Variants in MORC3 observed in about 807,000 individuals in gnomAD.
The protein encoded by MORC3 is MORC family CW-type zinc finger 3, also known as MORC family CW-type zinc finger protein 3.
In MORC3, 31 loss-of-function variants were observed where a neutral mutation model predicts 109.1. The observed-to-expected ratio is 0.28, with a 90% confidence interval of 0.21 to 0.38. The LOEUF is 0.38. Among genes scored for constraint, MORC3 ranks in the 10% least tolerant of loss-of-function variants. The probability of loss-of-function intolerance (pLI) is 1.00; values close to 1 mark genes in which losing one functional copy is unlikely to be tolerated. For synonymous variants in MORC3, 395 were observed against 380.7 expected (o/e 1.04, Z -0.44); for missense variants, 867 against 1,135.8 (o/e 0.76, Z 3.40).
chr21:36,341,647 C>A, intron 6 of MORC3, 101 bp downstream of exon 6: 3 of 1,488,334 alleles, frequency 2.0e-6, no homozygotes, highest in Non-Finnish European at 2.8e-6. Flanking sequence ...GCTGCCAGTG[C>A]TCTCTAAATG....
Position 36,372,673 on chromosome 21 carries a change from G to A in MORC3, c.2666+142G>A, listed in dbSNP as rs1601544907. On this transcript the variant is annotated intron_variant, in intron 16 of 16. Transcript: ENST00000400485. ...CTGCTGTGACCCTGGTGTTATGATA[G>A]ATAAAAAAGAAGTGACACTTCATTA... 3.7e-6 allele frequency: 3 copies of A among 812,618 alleles called. No individual in the cohort carries two copies. The South Asian group carries it at 1.2e-4, about 33-fold the overall frequency. The allele number at this position is 812,618 out of a possible 1,614,324, so 50.3% of individuals were successfully genotyped here.
At position 36,370,633 on chromosome 21, in the gene MORC3, ATATATATTTTTTTTTTTTTTTTT is replaced by A. The variant is rs1321937421; in HGVS notation, c.2508+759_2508+781del. On this transcript the variant is annotated intron_variant, in intron 15 of 16. Transcript: ENST00000400485. ...CATACATATATATATATATATATAT[ATATATATTTTTTTTTTTTTTTTT>A]TTTTTTTTTTTTTTTCTTCTTCTTC... is the stretch of plus-strand genomic sequence containing the variant. 3.4e-3 allele frequency among the ~76,000 whole-genome samples: 158 copies of A among 46,490 alleles called. 1 individual carries two copies. Among genetic ancestry groups the A allele is most frequent in the African/African-American group, 0.012 (142 of 11,626 alleles). The allele number at this position is 46,490 out of a possible 152,430, so 30.5% of individuals were successfully genotyped here.
intron 16 of MORC3, among the ~76,000 whole-genome samples, chr21:36,374,370 C>T (rs1442654430): frequency 1.3e-5 from 2 of 152,054 alleles, no homozygotes; most frequent in African/African-American, 4.8e-5. Flanking sequence ...GGATTACAGG[C>T]GTGAACCTCT....
At chr21:36,363,017 C>A (rs1345067967) in intron 13 of MORC3, among the ~76,000 whole-genome samples, 1 of 152,150 alleles carries the variant, frequency 6.6e-6, no homozygotes, top group Non-Finnish European at 1.5e-5. Context: ...GTTGACTACT[C>A]TGCCTGGCCT....
chr21:36,337,152 T>C, intron 3 of MORC3, 146 bp downstream of exon 3: 6 of 933,394 alleles, frequency 6.4e-6, no homozygotes, highest in Non-Finnish European at 7.6e-6. Context: ...GATTTTCTAC[T>C]ACTGGTAGAT....
intron 15 of MORC3, among the ~76,000 whole-genome samples, chr21:36,371,058 GAGAA>G (rs1411797759): frequency 6.6e-6 from 1 of 152,068 alleles, no homozygotes; most frequent in Non-Finnish European, 1.5e-5. Context: ...TTCTTCTACT[GAGAA>G]AGAAGGAGAA....
intron 15 of MORC3, among the ~76,000 whole-genome samples, chr21:36,371,200 T>C (rs1047112262): frequency 3.3e-5 from 5 of 152,218 alleles, no homozygotes; most frequent in Non-Finnish European, 7.3e-5. Flanking sequence ...GAAAGGATTT[T>C]CCTGCTAAAA....
chr21:36,338,632 G>C (rs1205281848), intron 4 of MORC3, 142 bp from the exon 5 acceptor site: 2 of 798,556 alleles, frequency 2.5e-6, no homozygotes. Context: ...CTAAGCAATA[G>C]TGAGACCCTA....
intron 2 of MORC3, among the ~76,000 whole-genome samples, chr21:36,336,566 C>T (rs2085378387): frequency 6.6e-6 from 1 of 152,228 alleles, no homozygotes; most frequent in African/African-American, 2.4e-5. Context: ...TTAATCATCT[C>T]TGCAGTGTAG....
chr21:36,338,161 T>G (rs1052585157), intron 4 of MORC3, among the ~76,000 whole-genome samples: 3 of 152,216 alleles, frequency 2.0e-5, no homozygotes, highest in Admixed American at 6.6e-5. Flanking sequence ...CAACATTTTA[T>G]GTTAAACTTC....
At chr21:36,358,927 C>T (rs545172791) in intron 10 of MORC3, among the ~76,000 whole-genome samples, 9 of 152,198 alleles carry the variant, frequency 5.9e-5, no homozygotes, top group Admixed American at 5.2e-4. Context: ...GATCCACCCG[C>T]GTCAGCCTCC....
At chr21:36,339,186 C>G (rs1216411088) in intron 5 of MORC3, 4 of 253,092 alleles carry the variant, frequency 1.6e-5, no homozygotes, top group Non-Finnish European at 3.0e-5. Context: ...ATGGCGCAAT[C>G]TCAGCTGACT....
Position 36,344,660 on chromosome 21 carries a change from AAG to A in MORC3, c.841_842del (p.Leu282CysfsTer6). ...GAAAGTGAAGACACAGCTGGTTTCG[AAG>A]AGTCTTGCCTACATCGAACGTGATG... ...GQKVKTQLVS[K>X]SLAYIERDVY... On this transcript the variant is annotated frameshift_variant, in exon 7 of 17. Coordinates refer to ENST00000400485, the MANE Select transcript of MORC3 (RefSeq NM_015358.3). LOFTEE classifies it high-confidence loss of function. The A allele has an allele frequency of 6.2e-7, 1 of 1,614,174 alleles. No homozygotes were observed. The highest frequency in any genetic ancestry group is 8.5e-7 in the Non-Finnish European group (1 of 1,180,020).
chr21:36,328,453 C>G (rs945957738), intron 1 of MORC3, among the ~76,000 whole-genome samples: 1 of 151,608 alleles, frequency 6.6e-6, no homozygotes, highest in South Asian at 2.1e-4. Context: ...GTGATTCTCC[C>G]GCTTCAGCCT....
chr21:36,353,986 A>C (rs1273339582), intron 9 of MORC3, among the ~76,000 whole-genome samples: 1 of 151,240 alleles, frequency 6.6e-6, no homozygotes, highest in Non-Finnish European at 1.5e-5. Flanking sequence ...CAGGAGAAAC[A>C]CTTGAACCCA....
chr21:36,369,119 G>A lies in MORC3; in HGVS notation c.1751G>A (p.Ser584Asn). The change falls in exon 15 of 17, where the codon AGT (serine) becomes AAT (asparagine). Residue 584 changes from serine to asparagine, a missense_variant. Physicochemically the swap from Ser to Asn is conservative, Grantham distance 46. This residue lies in a region of MORC3 where 486 missense variants were observed against 502.1 expected (regional missense o/e 0.97). Coordinates refer to ENST00000400485, the MANE Select transcript of MORC3 (RefSeq NM_015358.3). ...GATGTCATCATCTTAGAAGAAAACA[G>A]TACCCCCAAACCTGCAGTAGATCAT... is the stretch of plus-strand genomic sequence containing the variant. ...DEDVIILEEN[S>N]TPKPAVDHDI... The A allele has an allele frequency of 6.2e-7, 1 of 1,614,080 alleles. No individual in the cohort carries two copies. Among genetic ancestry groups the A allele is most frequent in the Non-Finnish European group, 8.5e-7 (1 of 1,180,004 alleles).
chr21:36,333,099 T>C (rs1033023291), intron 1 of MORC3, among the ~76,000 whole-genome samples: 4 of 152,290 alleles, frequency 2.6e-5, no homozygotes, highest in African/African-American at 9.6e-5. Flanking sequence ...CAATTGTAAC[T>C]CTTATTTGAA....
intron 8 of MORC3, 53 bp downstream of exon 8, chr21:36,345,084 G>A: frequency 1.3e-6 from 2 of 1,498,120 alleles, no homozygotes; most frequent in South Asian, 1.2e-5. Context: ...ACAAAAGTTA[G>A]GATAATATAT....
At chr21:36,347,565 A>G (rs948348819) in intron 8 of MORC3, among the ~76,000 whole-genome samples, 1 of 152,206 alleles carries the variant, frequency 6.6e-6, no homozygotes, top group Non-Finnish European at 1.5e-5. Context: ...TTAAATAAGT[A>G]TCAGATACCC....
Sources: gnomAD v4.1 joint callset for allele counts (sites outside exome capture counted in the v4.1 genomes callset) on GRCh38, gnomAD v4.1.1 for gene constraint, gnomAD v4.1.1 regional missense constraint, MANE v1.5 for transcripts, NCBI Gene and HGNC (gene_info 2026-07-23, HGNC 2026-07-21) for gene names.